CENPS: variants seen among roughly 807,000 people sequenced by gnomAD.
CENPS encodes the protein centromere protein S, also known as FANCM associated histone fold protein 1.
CENPS carries 16 observed loss-of-function variants against 17.9 expected under a neutral mutation model. The ratio of observed to expected loss-of-function variants is 0.90; its 90% CI spans 0.61 to 1.36. The LOEUF (loss-of-function observed/expected upper bound fraction) is 1.36. Ranked by LOEUF, CENPS falls within the 40% of genes most tolerant of loss-of-function variation. CENPS has a pLI of 0.00. For missense variants in CENPS, 160 were observed against 158.6 expected, an observed-to-expected ratio of 1.01 and a Z score of -0.05; for synonymous variants, 49 against 55.8, an observed-to-expected ratio of 0.88 and a Z score of 0.54.
At chr1:10,440,123 C>T (rs965592159) in intron 3 of CENPS, 25 of 573,944 alleles carry the variant, frequency 4.4e-5, no homozygotes, top group Non-Finnish European at 4.7e-5. Flanking sequence ...TGGCCCTAAG[C>T]GGAGGTGGAG....
Position 10,430,551 on chromosome 1 carries a change from C to T in CENPS, c.34C>T (p.Arg12Ter). The change falls in exon 1 of 5, where the codon CGA becomes TGA. Residue 12 changes from arginine (R) to a stop codon, truncating the protein, a stop_gained. Coordinates refer to ENST00000309048, the MANE Select transcript of CENPS (RefSeq NM_199294.3). LOFTEE classifies it high-confidence loss of function. ...GGAGGCGGAGACCGAGGAGCAGCAG[C>T]GATTCTCTTACCAACAGGTACAGGA... ...EEEAETEEQQ[R>*]FSYQQRLKAA... 1.3e-6 allele frequency: 2 copies of T among 1,534,352 alleles called. No individual in the cohort carries two copies. The highest frequency in any genetic ancestry group is 1.8e-6 in the Non-Finnish European group (2 of 1,141,106).
At position 10,442,638 on chromosome 1, in the gene CENPS, A is replaced by G; in HGVS notation, c.*233A>G. 1 of 573,652 alleles carries G rather than the reference A, an allele frequency of 1.7e-6. No individual in the cohort carries two copies. The highest frequency in any genetic ancestry group is 5.4e-4 in the Middle Eastern group (1 of 1,858). The allele number at this position is 573,652 out of a possible 1,614,324, so 35.5% of individuals were successfully genotyped here. Reference sequence around the variant, plus strand: ...TCCCAGGTCTCACTCCAGAACATAAAAATGGTGTGTGATCAAATGGTATAT... The same window carrying G: ...TCCCAGGTCTCACTCCAGAACATAAGAATGGTGTGTGATCAAATGGTATAT... On this transcript the variant is annotated 3_prime_UTR_variant, in exon 5 of 5. Transcript: ENST00000309048.
chr1:10,441,916 C>A (rs2124293792), intron 4 of CENPS, among the ~76,000 whole-genome samples: 1 of 152,190 alleles, frequency 6.6e-6, no homozygotes, highest in Non-Finnish European at 1.5e-5. Flanking sequence ...TGAGCCACCG[C>A]ACCCGACCTC....
chr1:10,430,580 C>T lies in CENPS; in HGVS notation c.51+12C>T, dbSNP rs1234670734. On this transcript the variant is annotated intron_variant, in intron 1 of 4. Coordinates refer to ENST00000309048, the MANE Select transcript of CENPS (RefSeq NM_199294.3). ...TCTCTTACCAACAGGTACAGGAAAACGGGGGTCGGGCTGGGCTGGGGCAGG... is the reference window on the plus strand; with the variant it reads ...TCTCTTACCAACAGGTACAGGAAAATGGGGGTCGGGCTGGGCTGGGGCAGG... The T allele has an allele frequency of 2.0e-6, 3 of 1,521,118 alleles. No individual in the cohort carries two copies. Among genetic ancestry groups the T allele is most frequent in the African/African-American group, 2.9e-5 (2 of 69,534 alleles). 94.2% of individuals were successfully genotyped at this position (1,521,118 alleles called of 1,614,324 possible). A position where few individuals can be genotyped will look rare whatever the true frequency, so the allele number is the denominator to read the frequency against.
chr1:10,430,529 G>C lies in CENPS; in HGVS notation c.12G>C (p.Glu4Asp). 5 of 1,538,736 alleles carry C rather than the reference G, an allele frequency of 3.2e-6. No homozygotes were observed. The highest frequency in any genetic ancestry group is 4.4e-6 in the Non-Finnish European group (5 of 1,142,840). The change falls in exon 1 of 5, where the codon GAG becomes GAC. Residue 4 changes from glutamate to aspartate, a missense_variant. By Grantham distance (45) the Glu-to-Asp change is conservative. Coordinates refer to ENST00000309048, the MANE Select transcript of CENPS (RefSeq NM_199294.3). ...GTCGGCCCGCAGTGATGGAGGAGGAGGCGGAGACCGAGGAGCAGCAGCGAT... is the reference window on the plus strand; with the variant it reads ...GTCGGCCCGCAGTGATGGAGGAGGACGCGGAGACCGAGGAGCAGCAGCGAT... Reference protein sequence around the residue: MEEEAETEEQQRFS... With the variant: MEEDAETEEQQRFS...
At chr1:10,438,331 G>A (rs777749728) in intron 3 of CENPS, among the ~76,000 whole-genome samples, 5 of 152,204 alleles carry the variant, frequency 3.3e-5, no homozygotes, top group Middle Eastern at 3.4e-3. Context: ...TTGTAGTAGA[G>A]ACAGGGTTTC....
intron 1 of CENPS, among the ~76,000 whole-genome samples, chr1:10,432,082 TTTGG>T (rs1639945938): frequency 6.6e-6 from 1 of 152,018 alleles, no homozygotes; most frequent in Non-Finnish European, 1.5e-5. Context: ...CCTGTTTTTT[TTTGG>T]TTGGTTTTTG....
chr1:10,437,843 G>C (rs1640238557), intron 3 of CENPS, among the ~76,000 whole-genome samples: 1 of 147,018 alleles, frequency 6.8e-6, no homozygotes, highest in South Asian at 2.1e-4. Flanking sequence ...GCTCACTGCA[G>C]CTTCTGCCTT....
At chr1:10,436,599 A>C (rs1207576405) in intron 3 of CENPS, among the ~76,000 whole-genome samples, 1 of 151,506 alleles carries the variant, frequency 6.6e-6, no homozygotes, top group African/African-American at 2.4e-5. Context: ...TCAGCTACTC[A>C]AAAGGTTGAG....
chr1:10,433,959 CAG>C lies in CENPS; in HGVS notation c.170_171del (p.Gln57LeufsTer2), dbSNP rs750655372. On this transcript the variant is annotated frameshift_variant, in exon 2 of 5. Transcript: ENST00000309048. LOFTEE classifies it high-confidence loss of function. ...IAAISELTFRQCENFAKDLEM... is the reference protein window; with the variant it reads ...IAAISELTFRXCENFAKDLEM... ...GGCCATTTCGGAGCTGACTTTCCGA[CAG>C]TGTGGTATGAAGCTTCGGCCTCCCC... 290 of 1,614,044 alleles carry C rather than the reference CAG, an allele frequency of 1.8e-4. No homozygotes were observed. The highest frequency in any genetic ancestry group is 4.2e-4 in the Admixed American group (25 of 60,000).
rs561684825 is a variant in CENPS, at chr1:10,433,891, T to C, written c.101T>C (p.Val34Ala). ...ACTGTGGGTTGTCTTTGCGAGGAAGTTGCATTGGACAAAGAGATGCAGTTC... is the reference window on the plus strand; with the variant it reads ...ACTGTGGGTTGTCTTTGCGAGGAAGCTGCATTGGACAAAGAGATGCAGTTC... ...HYTVGCLCEE[V>A]ALDKEMQFSK... Residue 34 changes from valine (V) to alanine (A), a missense_variant, in exon 2 of 5, where the codon GTT becomes GCT. Coordinates refer to ENST00000309048, the MANE Select transcript of CENPS (RefSeq NM_199294.3). The C allele has an allele frequency of 1.2e-6, 2 of 1,614,186 alleles. No individual in the cohort carries two copies. The highest frequency in any genetic ancestry group is 2.7e-5 in the African/African-American group (2 of 75,056).
At position 10,440,252 on chromosome 1, in the gene CENPS, C is replaced by T. The variant is rs948414154; in HGVS notation, c.210-95C>T. 2.0e-6 allele frequency: 3 copies of T among 1,492,764 alleles called. No individual in the cohort carries two copies. The African/African-American group carries it at 4.2e-5, about 21-fold the overall frequency. 92.5% of individuals were successfully genotyped at this position (1,492,764 alleles called of 1,614,324 possible). On this transcript the variant is annotated intron_variant, in intron 3 of 4. Transcript: ENST00000309048. The stretch of plus-strand genomic sequence containing the variant: ...AAAAGGATGGGCTACTTAGAGATCC[C>T]TGCTAGTTTGAAGTCTGACCGTGAA...
chr1:10,431,489 C>A, intron 1 of CENPS: 2 of 1,394,162 alleles, frequency 1.4e-6, no homozygotes, highest in Non-Finnish European at 1.9e-6. Context: ...CCCAGCCCCG[C>A]GATTGGAGAA....
chr1:10,437,684 T>C (rs1163912969), intron 3 of CENPS, among the ~76,000 whole-genome samples: 2 of 151,694 alleles, frequency 1.3e-5, no homozygotes, highest in Non-Finnish European at 2.9e-5. Context: ...CTCAAACTTA[T>C]GACCTCAGGT....
At chr1:10,430,767 T>G in intron 1 of CENPS, 199 bp downstream of exon 1, 1 of 1,391,874 alleles carries the variant, frequency 7.2e-7, no homozygotes, top group Non-Finnish European at 9.3e-7. Context: ...GACCCTGGCC[T>G]GCGCTGGCTG....
chr1:10,431,372 T>C, intron 1 of CENPS: 1 of 1,535,310 alleles, frequency 6.5e-7, no homozygotes, highest in Non-Finnish European at 8.7e-7. Context: ...TTTGAGAAGT[T>C]CAAACCTTCA....
chr1:10,430,744 G>T, intron 1 of CENPS, 176 bp downstream of exon 1: 2 of 1,405,044 alleles, frequency 1.4e-6, no homozygotes, highest in South Asian at 1.6e-5. Flanking sequence ...CGGTTTCCGC[G>T]GCAACGCGGC....
intron 1 of CENPS, chr1:10,431,490 G>T (rs1639912139): frequency 7.1e-7 from 1 of 1,402,214 alleles, no homozygotes; most frequent in Non-Finnish European, 9.7e-7. Flanking sequence ...CCAGCCCCGC[G>T]ATTGGAGAAT....
intron 2 of CENPS, among the ~76,000 whole-genome samples, 182 bp from the exon 3 acceptor site, chr1:10,434,475 T>C (rs1335325523): frequency 6.6e-6 from 1 of 152,202 alleles, no homozygotes; most frequent in Non-Finnish European, 1.5e-5. Context: ...TCGTCATGAA[T>C]AAAAAGCTAC....
Sources: allele counts gnomAD v4.1 joint callset (sites outside exome capture counted in the v4.1 genomes callset), GRCh38; gene constraint gnomAD v4.1.1; transcripts MANE v1.5; gene names NCBI Gene and HGNC (gene_info 2026-07-23, HGNC 2026-07-21).